The following LINGO2 variants were observed in gnomAD, a reference collection of about 807,000 sequenced individuals.
LINGO2 encodes leucine rich repeat and Ig domain containing 2.
A neutral mutation model predicts 30.6 loss-of-function variants in LINGO2; 14 were observed. The ratio of observed to expected loss-of-function variants is 0.46; its 90% CI spans 0.30 to 0.72. The LOEUF (loss-of-function observed/expected upper bound fraction) is 0.72, where lower values mean the gene tolerates loss of function less well. Ranked by LOEUF, LINGO2 falls within the 30% of genes least tolerant of loss-of-function variation. LINGO2 has a pLI of 0.07. For synonymous variants in LINGO2, 317 were observed against 288.5 expected, an observed-to-expected ratio of 1.10 and a Z score of -1.00; for missense variants, 729 against 751.7, an observed-to-expected ratio of 0.97 and a Z score of 0.35.
intron 1 of LINGO2, among the ~76,000 whole-genome samples, chr9:28,636,735 G>A (rs1451975970): frequency 6.6e-6 from 1 of 152,134 alleles, no homozygotes; most frequent in African/African-American, 2.4e-5. Flanking sequence ...TTTGTCAGAT[G>A]AGTAGATTGC....
At chr9:28,013,925 C>CA (rs1315393805) in intron 4 of LINGO2, among the ~76,000 whole-genome samples, 1 of 152,100 alleles carries the variant, frequency 6.6e-6, no homozygotes, top group Non-Finnish European at 1.5e-5. Flanking sequence ...ATTTTCTTTT[C>CA]AATTCTTTCT....
At chr9:28,812,762 C>A in the LINGO2 span, among the ~76,000 whole-genome samples, 3 of 152,156 alleles carry the variant, frequency 2.0e-5, no homozygotes, top group East Asian at 5.8e-4. Flanking sequence ...GAGATAAAAG[C>A]AAGAGAGACA....
At chr9:28,683,007 C>A in the LINGO2 span, among the ~76,000 whole-genome samples, 1 of 152,046 alleles carries the variant, frequency 6.6e-6, no homozygotes. Flanking sequence ...TTTCCCTGTC[C>A]TTAAGTAATG....
rs1458322248 is a variant in LINGO2, at chr9:28,196,265, C to T, written c.-87+98943G>A. Among the ~76,000 whole-genome samples, 7 of 151,068 alleles carry T rather than the reference C, an allele frequency of 4.6e-5. No individual in the cohort carries two copies. In the South Asian group the frequency reaches 1.5e-3, roughly 32 times the overall value. ...TTAATATTGACCTAGTGGTACTGGACAAGAGAAGAAAAATTAAAATTTTAA... is the reference window on the plus strand; with the variant it reads ...TTAATATTGACCTAGTGGTACTGGATAAGAGAAGAAAAATTAAAATTTTAA... On this transcript the variant is annotated intron_variant, in intron 4 of 5. Transcript: ENST00000379992.
At chr9:28,902,900 C>G in the LINGO2 span, among the ~76,000 whole-genome samples, 1 of 150,888 alleles carries the variant, frequency 6.6e-6, no homozygotes, top group Admixed American at 6.6e-5. Context: ...AAGTTTATTG[C>G]GATAAACACC....
At chr9:28,955,845 G>A in the LINGO2 span, among the ~76,000 whole-genome samples, 3 of 152,134 alleles carry the variant, frequency 2.0e-5, no homozygotes, top group African/African-American at 4.8e-5. Flanking sequence ...GTCTTGCTAT[G>A]TTTCCTAGGC....
the LINGO2 span, among the ~76,000 whole-genome samples, chr9:28,978,436 C>A: frequency 6.6e-6 from 1 of 152,230 alleles, no homozygotes; most frequent in South Asian, 2.1e-4. Flanking sequence ...CCTACATCTT[C>A]TTTCCAGTCA....
upstream of LINGO2, among the ~76,000 whole-genome samples, chr9:28,673,498 C>T (rs185611542): frequency 6.6e-6 from 1 of 152,014 alleles, no homozygotes; most frequent in Admixed American, 6.6e-5. Flanking sequence ...GAAACCTCGT[C>T]TCTACTAAAA....
At chr9:28,374,629 T>C (rs1463423721) in intron 2 of LINGO2, among the ~76,000 whole-genome samples, 2 of 152,104 alleles carry the variant, frequency 1.3e-5, no homozygotes, top group Admixed American at 1.3e-4. Flanking sequence ...ATGGAAGCTC[T>C]ATCCTTTCCT....
chr9:28,761,480 A>ATG, the LINGO2 span, among the ~76,000 whole-genome samples: 4 of 83,066 alleles, frequency 4.8e-5, no homozygotes, highest in Non-Finnish European at 8.9e-5. Context: ...AAAAATATAC[A>ATG]TGCGCACACA....
At chr9:28,543,468 A>G (rs886583678) in intron 1 of LINGO2, among the ~76,000 whole-genome samples, 1 of 152,128 alleles carries the variant, frequency 6.6e-6, no homozygotes, top group African/African-American at 2.4e-5. Flanking sequence ...TGACACATTT[A>G]TGTAGAGCAC....
the LINGO2 span, among the ~76,000 whole-genome samples, chr9:28,879,853 GA>G: frequency 2.6e-5 from 4 of 151,716 alleles, no homozygotes; most frequent in Non-Finnish European, 5.9e-5. Context: ...AAAACAAAAA[GA>G]AAAAAAAGTG....
chr9:28,532,909 C>G (rs970451860), intron 1 of LINGO2, among the ~76,000 whole-genome samples: 1 of 152,072 alleles, frequency 6.6e-6, no homozygotes, highest in African/African-American at 2.4e-5. Context: ...TTCTGTCAGT[C>G]TTCACAAGGC....
intron 4 of LINGO2, among the ~76,000 whole-genome samples, chr9:28,291,912 C>T (rs1823743828): frequency 6.6e-6 from 1 of 152,084 alleles, no homozygotes; most frequent in Non-Finnish European, 1.5e-5. Context: ...CAGCAAACTG[C>T]TAAAAACCAG....
intron 2 of LINGO2, among the ~76,000 whole-genome samples, chr9:28,425,617 C>T (rs139454967): frequency 1.9e-4 from 29 of 151,970 alleles, no homozygotes; most frequent in Admixed American, 6.6e-4. Context: ...AACACCATAG[C>T]GTTTGTTAGG....
the LINGO2 span, among the ~76,000 whole-genome samples, chr9:29,158,401 A>G: frequency 6.6e-6 from 1 of 150,940 alleles, no homozygotes; most frequent in Non-Finnish European, 1.5e-5. Context: ...TATTCCTTCT[A>G]TAACTTTAGT....
chr9:29,113,565 T>C, the LINGO2 span, among the ~76,000 whole-genome samples: 2 of 152,190 alleles, frequency 1.3e-5, no homozygotes, highest in Non-Finnish European at 2.9e-5. Flanking sequence ...TGTTTCCGCT[T>C]ACCCAATTCT....
chr9:28,407,043 A>G (rs537133742), intron 2 of LINGO2, among the ~76,000 whole-genome samples: 1 of 152,256 alleles, frequency 6.6e-6, no homozygotes, highest in South Asian at 2.1e-4. Flanking sequence ...AGAATATATG[A>G]TACTACTACA....
intron 4 of LINGO2, among the ~76,000 whole-genome samples, chr9:28,034,905 A>G (rs1178834886): frequency 6.6e-6 from 1 of 152,224 alleles, no homozygotes; most frequent in Non-Finnish European, 1.5e-5. Context: ...AATTGCTAAT[A>G]AAGTGTGAGT....
Sources: allele counts gnomAD v4.1 joint callset (sites outside exome capture counted in the v4.1 genomes callset), GRCh38; gene constraint gnomAD v4.1.1; transcripts MANE v1.5; gene names NCBI Gene and HGNC (gene_info 2026-07-23, HGNC 2026-07-21).